MCF2L: variants seen among roughly 807,000 people sequenced by gnomAD.
The protein encoded by MCF2L is guanine nucleotide exchange factor DBS.
In MCF2L, 97 loss-of-function variants were observed where a neutral mutation model predicts 153.4. The observed-to-expected ratio is 0.63, with a 90% CI of 0.54 to 0.75. The LOEUF (loss-of-function observed/expected upper bound fraction) is 0.75, where lower values mean the gene tolerates loss of function less well. MCF2L is among the 30% of genes least tolerant of loss of function. The probability of loss-of-function intolerance (pLI) is 0.00; values close to 1 mark genes in which losing one functional copy is unlikely to be tolerated. For missense variants in MCF2L, 1,347 were observed against 1,495.2 expected, an observed-to-expected ratio of 0.90 and a Z score of 1.64; for synonymous variants, 659 against 632.2, an observed-to-expected ratio of 1.04 and a Z score of -0.64.
intron 9 of MCF2L, among the ~76,000 whole-genome samples, chr13:113,073,001 A>G (rs549897346): frequency 9.7e-5 from 14 of 144,540 alleles, no homozygotes; most frequent in Non-Finnish European, 2.1e-4. Flanking sequence ...ATTTTGATGT[A>G]TTGTATTTTC....
At chr13:113,048,781 G>A (rs776910832) in intron 4 of MCF2L, among the ~76,000 whole-genome samples, 2 of 152,298 alleles carry the variant, frequency 1.3e-5, no homozygotes, top group African/African-American at 2.4e-5. Flanking sequence ...TAGTTAGCAC[G>A]TCCTGAGGCT....
At chr13:113,044,795 T>C (rs1566790767) in intron 3 of MCF2L, 1 of 1,612,902 alleles carries the variant, frequency 6.2e-7, no homozygotes. Flanking sequence ...TCAGAAGTCT[T>C]GGGGATTTTC....
At chr13:112,977,040 G>A (rs2082239565) in intron 1 of MCF2L, among the ~76,000 whole-genome samples, 1 of 152,124 alleles carries the variant, frequency 6.6e-6, no homozygotes, top group African/African-American at 2.4e-5. Context: ...CAACCCAGGT[G>A]TGCACGGCGG....
At position 112,980,083 on chromosome 13, in the gene MCF2L, C is replaced by T. The variant is rs576173602; in HGVS notation, c.79+10625C>T. On this transcript the variant is annotated intron_variant, in intron 1 of 29. Coordinates refer to ENST00000535094, the MANE Select transcript of MCF2L (RefSeq NM_001112732.3). ...CAGTGGTGGGTTTAATGAGGCTCCC[C>T]GGGCACACGCGGTCTGTGGGCAGGT... Among the ~76,000 whole-genome samples, 10 of 152,254 alleles carry T rather than the reference C, an allele frequency of 6.6e-5. No individual in the cohort carries two copies. In the South Asian group the frequency reaches 1.5e-3, roughly 22 times the overall value.
At chr13:112,903,223 G>C (rs1311702465) in intron 2 of MCF2L, among the ~76,000 whole-genome samples, 1 of 152,218 alleles carries the variant, frequency 6.6e-6, no homozygotes, top group Non-Finnish European at 1.5e-5. Flanking sequence ...GAGCTGAGAA[G>C]GGATTTTGAT....
At position 112,898,608 on chromosome 13, in the gene MCF2L, C is replaced by T. The variant is rs566321179; in HGVS notation, c.-4-3591C>T. Among the ~76,000 whole-genome samples the T allele has an allele frequency of 2.0e-5, 3 of 152,244 alleles. No individual in the cohort carries two copies. The South Asian group carries it at 6.2e-4, about 32-fold the overall frequency. ...CAGCGCCCTTCCCTCCCCGGTGGTA[C>T]TCCCACCCCTGGGACCGTCAGCACT... On this transcript the variant is annotated intron_variant, in intron 1 of 29. Coordinates refer to the MCF2L transcript ENST00000375608.
chr13:113,077,299 C>T, intron 13 of MCF2L, 88 bp downstream of exon 13: 1 of 1,390,474 alleles, frequency 7.2e-7, no homozygotes, highest in Non-Finnish European at 9.5e-7. Flanking sequence ...GAGGCAGCCA[C>T]CTGCGAAAAC....
chr13:113,058,420 G>T (rs76340798), intron 4 of MCF2L, among the ~76,000 whole-genome samples: 6,710 of 148,292 alleles, frequency 0.045, 210 homozygotes, highest in East Asian at 0.18. Context: ...TGCTGAGTGG[G>T]TGCTGTGTGT....
intron 26 of MCF2L, chr13:113,090,145 C>T (rs75112596): frequency 0.033 from 50,397 of 1,541,250 alleles, 1,008 homozygotes; most frequent in Non-Finnish European, 0.039. Flanking sequence ...TTTTGCTAAC[C>T]TCAAAGGTCA....
At chr13:113,029,225 G>A (rs1345739410) in intron 3 of MCF2L, among the ~76,000 whole-genome samples, 3 of 152,144 alleles carry the variant, frequency 2.0e-5, no homozygotes, top group South Asian at 2.1e-4. Context: ...TGGCTGTCCC[G>A]GCATCCTAGG....
intron 2 of MCF2L, among the ~76,000 whole-genome samples, chr13:112,939,571 T>C (rs1201019390): frequency 6.6e-6 from 1 of 152,242 alleles, no homozygotes; most frequent in East Asian, 1.9e-4. Flanking sequence ...TCTGCCTGGC[T>C]GTCAGTCACC....
At chr13:112,896,048 T>C (rs2081064689) in intron 1 of MCF2L, among the ~76,000 whole-genome samples, 1 of 152,222 alleles carries the variant, frequency 6.6e-6, no homozygotes, top group Non-Finnish European at 1.5e-5. Flanking sequence ...GTGAAGGGTC[T>C]GCAACGTTAG....
chr13:112,964,553 T>C (rs2140771202), upstream of MCF2L, among the ~76,000 whole-genome samples: 1 of 152,368 alleles, frequency 6.6e-6, no homozygotes, highest in South Asian at 2.1e-4. Context: ...TTGTCCTGTA[T>C]CTCTACTTGT....
chr13:112,913,207 C>CTGTA (rs752732656), intron 2 of MCF2L, among the ~76,000 whole-genome samples: 1 of 140,482 alleles, frequency 7.1e-6, no homozygotes, highest in Admixed American at 7.1e-5. Flanking sequence ...TGGTGTATCT[C>CTGTA]TGTATGTATG....
intron 3 of MCF2L, chr13:113,034,086 G>T: frequency 6.1e-6 from 1 of 164,542 alleles, no homozygotes. Context: ...AATGTAAAAT[G>T]AAAGCAAAAT....
intron 26 of MCF2L, chr13:113,091,041 C>G (rs878868179): frequency 2.3e-6 from 3 of 1,294,408 alleles, no homozygotes; most frequent in Non-Finnish European, 2.0e-6. Context: ...AGCACGAGCG[C>G]GGGTCAGCCT....
At chr13:112,922,501 A>G (rs907088256) in intron 2 of MCF2L, among the ~76,000 whole-genome samples, 1 of 152,070 alleles carries the variant, frequency 6.6e-6, no homozygotes, top group African/African-American at 2.4e-5. Context: ...TCAGCATTGA[A>G]GTAAAAATCT....
At chr13:112,909,561 G>T in intron 2 of MCF2L, 1 of 459,240 alleles carries the variant, frequency 2.2e-6, no homozygotes, top group Admixed American at 3.4e-5. Context: ...AGTGGCATTT[G>T]GAGGAGAGTC....
chr13:113,020,307 A>G (rs1335304137), intron 2 of MCF2L, among the ~76,000 whole-genome samples: 1 of 152,232 alleles, frequency 6.6e-6, no homozygotes, highest in African/African-American at 2.4e-5. Context: ...CCTAAGATGC[A>G]TCACGTCCGT....
Sources: allele counts gnomAD v4.1 joint callset (sites outside exome capture counted in the v4.1 genomes callset), GRCh38; gene constraint gnomAD v4.1.1; transcripts MANE v1.5; gene names NCBI Gene and HGNC (gene_info 2026-07-23, HGNC 2026-07-21).